HIGD1B: variants seen among roughly 807,000 people sequenced by gnomAD.
HIGD1B encodes the protein HIG1 hypoxia inducible domain family member 1B.
In HIGD1B, 9 loss-of-function variants were observed where a neutral mutation model predicts 8.8. The observed-to-expected ratio is 1.02, with a 90% CI of 0.62 to 1.78. The LOEUF is 1.78. Among genes scored for constraint, HIGD1B ranks in the 40% most tolerant of loss-of-function variants. HIGD1B has a pLI of 0.00. For synonymous variants in HIGD1B, 47 were observed against 38.8 expected (o/e 1.21, Z -0.78); for missense variants, 126 against 111.8 (o/e 1.13, Z -0.57).
upstream of HIGD1B, among the ~76,000 whole-genome samples, chr17:44,846,783 TAA>T (rs760853788): frequency 3.0e-3 from 361 of 121,306 alleles, 1 homozygote; most frequent in African/African-American, 9.6e-3. Context: ...AGACCCTGCC[TAA>T]AAAAAAAAAA....
upstream of HIGD1B, among the ~76,000 whole-genome samples, chr17:44,847,185 G>A (rs1233797430): frequency 6.6e-6 from 1 of 152,130 alleles, no homozygotes; most frequent in Non-Finnish European, 1.5e-5. Flanking sequence ...TGTAATCCCA[G>A]CACTTTGGGA....
intron 1 of HIGD1B, 131 bp from the exon 2 acceptor site, chr17:44,849,107 TCCCCCGCAACGCCCAC>T (rs752733253): frequency 2.4e-6 from 2 of 820,772 alleles, no homozygotes; most frequent in South Asian, 3.5e-5. Flanking sequence ...TCCCCCTAGG[TCCCCCGCAACGCCCAC>T]CCCCCGCCAC....
chr17:44,850,207 G>T, intron 2 of HIGD1B, 125 bp from the exon 3 acceptor site: 1 of 679,948 alleles, frequency 1.5e-6, no homozygotes, highest in Non-Finnish European at 2.5e-6. Context: ...ACCTGGGGCA[G>T]AAAGATGAGC....
Position 44,849,308 on chromosome 17 carries a change from G to C in HIGD1B, c.155G>C (p.Arg52Pro). The C allele has an allele frequency of 1.2e-6, 2 of 1,614,120 alleles. No individual in the cohort carries two copies. Among genetic ancestry groups the C allele is most frequent in the Non-Finnish European group, 1.7e-6 (2 of 1,180,016 alleles). ...TACAGGATTTACCGGCTGAGGTCTC[G>C]TGGTTCCACCAAGATGTCCATACAC... is the stretch of plus-strand genomic sequence containing the variant. ...AAYRIYRLRS[R>P]GSTKMSIHLI... Residue 52 changes from arginine to proline, a missense_variant, in exon 2 of 3, where the codon CGT becomes CCT. Coordinates refer to ENST00000253410, the MANE Select transcript of HIGD1B (RefSeq NM_016438.4).
upstream of HIGD1B, among the ~76,000 whole-genome samples, chr17:44,847,593 A>C (rs1002014366): frequency 6.6e-6 from 1 of 152,266 alleles, no homozygotes; most frequent in Non-Finnish European, 1.5e-5. Flanking sequence ...ACTCATGTGC[A>C]AAATATATGC....
chr17:44,848,388 G>C, intron 1 of HIGD1B, 136 bp downstream of exon 1: 1 of 620,294 alleles, frequency 1.6e-6, no homozygotes, highest in Admixed American at 2.8e-5. Context: ...CAACAGCAAA[G>C]GTGCCAAGGG....
chr17:44,845,065 C>A (rs1022052083), upstream of HIGD1B, among the ~76,000 whole-genome samples: 1 of 151,894 alleles, frequency 6.6e-6, no homozygotes, highest in African/African-American at 2.4e-5. Flanking sequence ...GGAGACCAGC[C>A]TGGCCAACAT....
upstream of HIGD1B, among the ~76,000 whole-genome samples, chr17:44,845,310 C>A (rs145133453): frequency 8.2e-4 from 125 of 151,710 alleles, 1 homozygote; most frequent in South Asian, 4.6e-3. Context: ...GAGCCCTAAT[C>A]CTGATCACTG....
intron 1 of HIGD1B, 85 bp from the exon 2 acceptor site, chr17:44,849,169 C>T (rs79471287): frequency 0.017 from 25,392 of 1,527,076 alleles, 248 homozygotes; most frequent in Non-Finnish European, 0.02. Flanking sequence ...TATCCAGATG[C>T]CCAGCCTGCC....
intron 1 of HIGD1B, among the ~76,000 whole-genome samples, chr17:44,848,767 A>G (rs1299880902): frequency 6.6e-6 from 1 of 152,000 alleles, no homozygotes. Context: ...TTGAAGGGCA[A>G]CAACTCAATA....
upstream of HIGD1B, among the ~76,000 whole-genome samples, chr17:44,847,217 A>C (rs901731183): frequency 2.6e-5 from 4 of 151,756 alleles, no homozygotes; most frequent in African/African-American, 9.7e-5. Flanking sequence ...GTGGATCATG[A>C]GGTCAGGAGA....
At chr17:44,844,998 C>T (rs1439525352), upstream of HIGD1B, among the ~76,000 whole-genome samples, 1 of 152,144 alleles carries the variant, frequency 6.6e-6, no homozygotes, top group East Asian at 1.9e-4. Context: ...TGGCTTATGC[C>T]TGTAATCCCA....
At chr17:44,846,152 C>A (rs1422495822), upstream of HIGD1B, among the ~76,000 whole-genome samples, 1 of 152,162 alleles carries the variant, frequency 6.6e-6, no homozygotes, top group Non-Finnish European at 1.5e-5. Context: ...AATTAAAAGA[C>A]TGAATCTAGT....
chr17:44,850,263 A>G, intron 2 of HIGD1B, 69 bp from the exon 3 acceptor site: 1 of 1,289,626 alleles, frequency 7.8e-7, no homozygotes, highest in Non-Finnish European at 1.1e-6. Flanking sequence ...AACCCCTAGG[A>G]CGCCTGAGAG....
upstream of HIGD1B, chr17:44,847,865 A>C: frequency 3.4e-6 from 1 of 293,476 alleles, no homozygotes; most frequent in Non-Finnish European, 6.5e-6. Flanking sequence ...AGATGGGGGA[A>C]GGGGAAGCTG....
chr17:44,847,229 C>G (rs538598584), upstream of HIGD1B, among the ~76,000 whole-genome samples: 1 of 151,924 alleles, frequency 6.6e-6, no homozygotes, highest in South Asian at 2.1e-4. Context: ...GTCAGGAGAT[C>G]GAGACCATCC....
Position 44,849,353 on chromosome 17 carries a change from C to T in HIGD1B, c.200C>T (p.Ala67Val). 6.2e-7 allele frequency: 1 copy of T among 1,614,174 alleles called. No homozygotes were observed. Among genetic ancestry groups the T allele is most frequent in the East Asian group, 2.2e-5 (1 of 44,882 alleles). The change falls in exon 2 of 3, where the codon GCA (alanine) becomes GTA (valine). Residue 67 changes from alanine to valine, a missense_variant. Ala to Val is a moderately conservative substitution (Grantham distance 64). Coordinates refer to ENST00000253410, the MANE Select transcript of HIGD1B (RefSeq NM_016438.4). ...ATACACCTGATTCACACCCGAGTGG[C>T]AGCGCAGGCCTGTGCAGTGGGTGCA... is the stretch of plus-strand genomic sequence containing the variant. Reference protein sequence around the residue: ...MSIHLIHTRVAAQACAVGAIM... With the variant: ...MSIHLIHTRVVAQACAVGAIM...
intron 1 of HIGD1B, among the ~76,000 whole-genome samples, chr17:44,848,626 T>C (rs554673585): frequency 6.8e-5 from 10 of 147,604 alleles, no homozygotes; most frequent in Admixed American, 3.3e-4. Context: ...GCGGAGCAAA[T>C]TGGTGGGGAG....
upstream of HIGD1B, among the ~76,000 whole-genome samples, chr17:44,846,183 G>T (rs114838645): frequency 2.8e-3 from 432 of 152,170 alleles, 5 homozygotes; most frequent in African/African-American, 9.8e-3. Context: ...CCTCCATTTG[G>T]TCTTTCCTTA....
Sources: allele counts gnomAD v4.1 joint callset (sites outside exome capture counted in the v4.1 genomes callset), GRCh38; gene constraint gnomAD v4.1.1; transcripts MANE v1.5; gene names NCBI Gene and HGNC (gene_info 2026-07-23, HGNC 2026-07-21).